The following ASB3 variants were observed in gnomAD, a reference collection of about 807,000 sequenced individuals.
The protein encoded by ASB3 is ankyrin repeat and SOCS box containing 3.
A neutral mutation model predicts 54.5 loss-of-function variants in ASB3; 41 were observed. The observed-to-expected ratio is 0.75, with a 90% confidence interval of 0.59 to 0.98. ASB3 has a LOEUF of 0.98. ASB3 is among the 50% of genes least tolerant of loss of function. The pLI is 0.00. For missense variants in ASB3, 733 were observed against 620.0 expected (o/e 1.18, Z -1.94); for synonymous variants, 266 against 221.2 (o/e 1.20, Z -1.80).
chr2:53,765,127 T>C (rs1673363622), intron 2 of ASB3, among the ~76,000 whole-genome samples: 1 of 152,196 alleles, frequency 6.6e-6, no homozygotes, highest in Non-Finnish European at 1.5e-5. Flanking sequence ...ACTTCTCCCA[T>C]ATCACCTAGC....
At chr2:53,719,848 G>A (rs1170387695) in intron 5 of ASB3, among the ~76,000 whole-genome samples, 1 of 152,080 alleles carries the variant, frequency 6.6e-6, no homozygotes. Context: ...GATCGCTTGA[G>A]CTCAGGAGTT....
chr2:53,771,929 T>A (rs767257050), intron 1 of ASB3: 1 of 1,563,850 alleles, frequency 6.4e-7, no homozygotes, highest in Non-Finnish European at 8.7e-7. Flanking sequence ...GTGACTCTTG[T>A]TGAAGATCCT....
chr2:53,782,108 T>C (rs923665038), intron 1 of ASB3, among the ~76,000 whole-genome samples: 21 of 152,014 alleles, frequency 1.4e-4, no homozygotes, highest in Admixed American at 2.0e-4. Flanking sequence ...GCCCCAGAGG[T>C]TGGGATGGCA....
chr2:53,751,219 T>C (rs1037897559), intron 2 of ASB3, among the ~76,000 whole-genome samples: 15 of 152,146 alleles, frequency 9.9e-5, no homozygotes, highest in Admixed American at 8.5e-4. Context: ...GTGGCAGAAA[T>C]TGAAAGGTAA....
In ASB3 at chr2:53,780,473, G is replaced by A. The variant is rs560188154; in HGVS notation, c.-14+6348C>T. Among the ~76,000 whole-genome samples the A allele has an allele frequency of 7.2e-5, 11 of 152,208 alleles. 1 individual carries two copies. Among genetic ancestry groups the A allele is most frequent in the African/African-American group, 2.4e-4 (10 of 41,546 alleles). On this transcript the variant is annotated intron_variant, in intron 1 of 9. Coordinates refer to ENST00000263634, the MANE Select transcript of ASB3 (RefSeq NM_016115.5). ...CAAATCTATGTTATTTAATATAAAAGATGTGATATAAAATACAAGCAGAGG... is the reference window on the plus strand; with the variant it reads ...CAAATCTATGTTATTTAATATAAAAAATGTGATATAAAATACAAGCAGAGG...
intron 9 of ASB3, among the ~76,000 whole-genome samples, chr2:53,681,090 C>A (rs557058025): frequency 6.6e-6 from 1 of 152,272 alleles, no homozygotes; most frequent in South Asian, 2.1e-4. Flanking sequence ...GAATAGTACT[C>A]TGTTGTGTAT....
Position 53,729,439 on chromosome 2 carries a change from T to A in ASB3, c.468+19A>T. 2 of 1,610,310 alleles carry A rather than the reference T, an allele frequency of 1.2e-6. No individual in the cohort carries two copies. The highest frequency in any genetic ancestry group is 2.2e-5 in the South Asian group (2 of 90,912). On this transcript the variant is annotated intron_variant, in intron 4 of 9. Coordinates refer to ENST00000263634, the MANE Select transcript of ASB3 (RefSeq NM_016115.5). ...ACACACAATTTACATGGAAATGAAA[T>A]AATAAATTCAGAGGTTACCTGAAAA...
At chr2:53,760,389 G>A (rs1028924004) in intron 2 of ASB3, among the ~76,000 whole-genome samples, 5 of 152,210 alleles carry the variant, frequency 3.3e-5, no homozygotes, top group African/African-American at 1.2e-4. Flanking sequence ...TCACCAGAAA[G>A]AAAAGAAAAG....
intron 7 of ASB3, among the ~76,000 whole-genome samples, chr2:53,710,152 C>G (rs1431368190): frequency 6.6e-6 from 1 of 152,180 alleles, no homozygotes; most frequent in African/African-American, 2.4e-5. Flanking sequence ...AATCTCTAAC[C>G]AACAGAAACT....
At position 53,714,521 on chromosome 2, in the gene ASB3, T is replaced by TAC; in HGVS notation, c.841_842dup (p.Ser282Ter). The TAC allele has an allele frequency of 6.2e-7, 1 of 1,614,256 alleles. No individual in the cohort carries two copies. Among genetic ancestry groups the TAC allele is most frequent in the South Asian group, 1.1e-5 (1 of 91,090 alleles). ...CAAACACTGCTGAGTAAACAGGGCT[T>TAC]ACTTTGTTTAGCCCAGTGTCACAGG... On this transcript the variant is annotated frameshift_variant, in exon 7 of 10. Coordinates refer to ENST00000263634, the MANE Select transcript of ASB3 (RefSeq NM_016115.5). LOFTEE classifies it high-confidence loss of function.
intron 3 of ASB3, among the ~76,000 whole-genome samples, chr2:53,734,921 T>TTC (rs1426240994): frequency 1.4e-5 from 2 of 147,800 alleles, no homozygotes; most frequent in Non-Finnish European, 3.0e-5. Context: ...TATACAAGTT[T>TTC]TTTTTTTTTT....
At chr2:53,764,038 A>AAAC (rs1218049486) in intron 2 of ASB3, among the ~76,000 whole-genome samples, 1 of 152,172 alleles carries the variant, frequency 6.6e-6, no homozygotes, top group East Asian at 1.9e-4. Context: ...GAAAAAAACA[A>AAAC]AACAACAACA....
intron 3 of ASB3, among the ~76,000 whole-genome samples, chr2:53,730,586 T>C (rs575724108): frequency 6.6e-6 from 1 of 152,180 alleles, no homozygotes; most frequent in Non-Finnish European, 1.5e-5. Flanking sequence ...CTGGGTCAAA[T>C]GGCAGTTGTG....
rs377185957 is a variant in ASB3 at position 53,713,541 on chromosome 2, T to C, written c.980+843A>G. Among the ~76,000 whole-genome samples the C allele has an allele frequency of 2.0e-5, 3 of 152,364 alleles. No homozygotes were observed. In the South Asian group the frequency reaches 6.2e-4, roughly 32 times the overall value. The stretch of plus-strand genomic sequence containing the variant: ...CAGCAGTAATTCTTCACTTAGTCTA[T>C]TTCACAGAATTATGACAGATTAGAA... On this transcript the variant is annotated intron_variant, in intron 7 of 9. Transcript: ENST00000263634.
chr2:53,693,809 T>C (rs370907983), intron 9 of ASB3, 75 bp downstream of exon 9: 1 of 1,545,106 alleles, frequency 6.5e-7, no homozygotes, highest in Non-Finnish European at 8.7e-7. Context: ...ATCTTATCAC[T>C]TAAAATTACA....
rs534680350 is a variant in ASB3, at chr2:53,729,524, G to C, written c.402C>G (p.His134Gln). 6.2e-7 allele frequency: 1 copy of C among 1,613,786 alleles called. No homozygotes were observed. The highest frequency in any genetic ancestry group is 1.3e-5 in the African/African-American group (1 of 74,916). ...QIDVLRLLLQ[H>Q]GANVNGSHSM... ...AATGGGATCCATTAACATTTGCTCCGTGTTGAAGCAACAGCCTTAACACAT... is the reference window on the plus strand; with the variant it reads ...AATGGGATCCATTAACATTTGCTCCCTGTTGAAGCAACAGCCTTAACACAT... Residue 134 changes from histidine (H) to glutamine (Q), a missense_variant, in exon 4 of 10, where the codon CAC (histidine) becomes CAG (glutamine). Coordinates refer to ENST00000263634, the MANE Select transcript of ASB3 (RefSeq NM_016115.5).
chr2:53,781,252 T>C (rs533177868), intron 1 of ASB3, among the ~76,000 whole-genome samples: 1 of 151,642 alleles, frequency 6.6e-6, no homozygotes, highest in African/African-American at 2.4e-5. Flanking sequence ...TTACAAAAAA[T>C]ACAAAAAAAA....
chr2:53,783,847 T>C (rs2104232181), intron 1 of ASB3, among the ~76,000 whole-genome samples: 1 of 152,294 alleles, frequency 6.6e-6, no homozygotes, highest in Middle Eastern at 3.4e-3. Flanking sequence ...TTGCTTGAAA[T>C]TAGTTATACC....
chr2:53,738,911 G>T (rs932158189), intron 3 of ASB3, among the ~76,000 whole-genome samples: 1 of 152,178 alleles, frequency 6.6e-6, no homozygotes, highest in African/African-American at 2.4e-5. Context: ...AGTACACAGA[G>T]ATATGGGAGA....
Sources: gnomAD v4.1 joint callset for allele counts (sites outside exome capture counted in the v4.1 genomes callset) on GRCh38, gnomAD v4.1.1 for gene constraint, MANE v1.5 for transcripts, NCBI Gene and HGNC (gene_info 2026-07-23, HGNC 2026-07-21) for gene names.